The following LUZP2 variants were observed in gnomAD, a reference collection of about 807,000 sequenced individuals.
LUZP2 encodes the protein leucine zipper protein 2.
A neutral mutation model predicts 51.6 loss-of-function variants in LUZP2; 52 were observed. That is an observed-to-expected ratio of 1.01 (90% CI 0.81 to 1.27). LUZP2 has a LOEUF of 1.27. Among genes scored for constraint, LUZP2 ranks in the 50% most tolerant of loss-of-function variants. The probability of loss-of-function intolerance (pLI) is 0.00; values close to 1 mark genes in which losing one functional copy is unlikely to be tolerated. For synonymous variants in LUZP2, 154 were observed against 137.3 expected (o/e 1.12, Z -0.85); for missense variants, 436 against 395.4 (o/e 1.10, Z -0.87).
intron 5 of LUZP2, among the ~76,000 whole-genome samples, chr11:24,796,998 A>G (rs1045239748): frequency 2.6e-5 from 4 of 152,144 alleles, no homozygotes; most frequent in Admixed American, 6.6e-5. Context: ...CAGAACATCT[A>G]TGTTCAAATT....
chr11:24,534,555 T>G (rs1170878951), intron 1 of LUZP2, among the ~76,000 whole-genome samples: 1 of 151,276 alleles, frequency 6.6e-6, no homozygotes, highest in African/African-American at 2.4e-5. Flanking sequence ...CATATTTATA[T>G]ATAGAGAGAG....
chr11:24,990,556 G>C (rs1008022055), intron 9 of LUZP2, among the ~76,000 whole-genome samples: 2 of 151,872 alleles, frequency 1.3e-5, no homozygotes, highest in African/African-American at 2.4e-5. Context: ...CAGAGATGAA[G>C]ACTGGAAAAC....
chr11:25,005,233 T>C (rs539780513), intron 9 of LUZP2, among the ~76,000 whole-genome samples: 1 of 152,016 alleles, frequency 6.6e-6, no homozygotes, highest in Non-Finnish European at 1.5e-5. Flanking sequence ...TTATCATTAA[T>C]AGGAGGGGGA....
chr11:24,814,932 C>T (rs1291568399), intron 5 of LUZP2, among the ~76,000 whole-genome samples: 1 of 147,364 alleles, frequency 6.8e-6, no homozygotes, highest in Admixed American at 7.0e-5. Flanking sequence ...GTGGAGCTTG[C>T]AGTGAGCTGA....
At chr11:24,596,321 C>A (rs1038867441) in intron 1 of LUZP2, among the ~76,000 whole-genome samples, 12 of 152,264 alleles carry the variant, frequency 7.9e-5, no homozygotes, top group African/African-American at 2.9e-4. Flanking sequence ...GTAAAATCAG[C>A]TTTCAAGTTT....
At chr11:24,497,670 C>T (rs865884633) in intron 1 of LUZP2, among the ~76,000 whole-genome samples, 5 of 152,190 alleles carry the variant, frequency 3.3e-5, no homozygotes, top group South Asian at 2.1e-4. Context: ...CAGGCAGTGT[C>T]TTTACATTGG....
intron 5 of LUZP2, among the ~76,000 whole-genome samples, chr11:24,876,866 C>T (rs1403620267): frequency 6.6e-6 from 1 of 152,032 alleles, no homozygotes; most frequent in African/African-American, 2.4e-5. Context: ...ATGAGGGTAT[C>T]ATGGACCAAA....
At chr11:24,765,629 C>CTTTTTTTTTTTTTTTT (rs762443498) in intron 5 of LUZP2, among the ~76,000 whole-genome samples, 1 of 133,046 alleles carries the variant, frequency 7.5e-6, no homozygotes. Context: ...TTTCTTTTTT[C>CTTTTTTTTTTTTTTTT]TTTTTTTTTT....
chr11:24,967,292 A>G (rs1855612500), intron 7 of LUZP2, among the ~76,000 whole-genome samples: 2 of 151,964 alleles, frequency 1.3e-5, no homozygotes, highest in South Asian at 4.1e-4. Context: ...GAGACCAGAC[A>G]TTATAAGAAT....
chr11:24,701,132 T>C (rs1857409840), intron 1 of LUZP2: 3 of 152,748 alleles, frequency 2.0e-5, no homozygotes, highest in African/African-American at 7.2e-5. Flanking sequence ...TTAAATCCTG[T>C]TCCACCTGGT....
chr11:24,802,872 A>G (rs563298328), intron 5 of LUZP2, among the ~76,000 whole-genome samples: 2 of 152,196 alleles, frequency 1.3e-5, no homozygotes, highest in East Asian at 1.9e-4. Context: ...TAATTATCTT[A>G]TATAAAAGGT....
At chr11:24,843,765 T>C (rs1590627626) in intron 5 of LUZP2, among the ~76,000 whole-genome samples, 1 of 152,004 alleles carries the variant, frequency 6.6e-6, no homozygotes, top group African/African-American at 2.4e-5. Flanking sequence ...TGGGGGCGGG[T>C]GTTTCCTGTA....
At chr11:24,956,889 A>G (rs2133871398) in intron 7 of LUZP2, among the ~76,000 whole-genome samples, 1 of 152,242 alleles carries the variant, frequency 6.6e-6, no homozygotes, top group South Asian at 2.1e-4. Flanking sequence ...TATTTGAAGA[A>G]TCTCTAGTTT....
At chr11:24,742,557 C>T (rs1425700487) in intron 4 of LUZP2, among the ~76,000 whole-genome samples, 2 of 151,158 alleles carry the variant, frequency 1.3e-5, no homozygotes, top group Non-Finnish European at 3.0e-5. Context: ...TTCTTTTTAA[C>T]TGATTTGTTT....
At chr11:24,712,864 G>A (rs1020758197) in intron 1 of LUZP2, among the ~76,000 whole-genome samples, 5 of 152,274 alleles carry the variant, frequency 3.3e-5, no homozygotes, top group Non-Finnish European at 5.9e-5. Flanking sequence ...TGTATTAAGG[G>A]CTAGAACTTC....
At chr11:24,511,708 A>G (rs1850316965) in intron 1 of LUZP2, among the ~76,000 whole-genome samples, 2 of 152,348 alleles carry the variant, frequency 1.3e-5, no homozygotes, top group South Asian at 4.1e-4. Context: ...TGTGGTTTAG[A>G]CATATGAAGT....
At chr11:24,623,035 G>A (rs536061958) in intron 1 of LUZP2, among the ~76,000 whole-genome samples, 129 of 152,170 alleles carry the variant, frequency 8.5e-4, no homozygotes, top group Middle Eastern at 6.8e-3. Flanking sequence ...CGATGGTATG[G>A]AGGAAAGAAT....
At chr11:24,957,643 A>G (rs1168698157) in intron 7 of LUZP2, among the ~76,000 whole-genome samples, 3 of 152,176 alleles carry the variant, frequency 2.0e-5, no homozygotes, top group African/African-American at 4.8e-5. Flanking sequence ...ATGCTCTTCA[A>G]TTCCATCCAT....
chr11:24,697,559 G>C (rs1857287060), intron 1 of LUZP2, among the ~76,000 whole-genome samples: 1 of 152,086 alleles, frequency 6.6e-6, no homozygotes, highest in Non-Finnish European at 1.5e-5. Context: ...AAGAAATTTA[G>C]TTTGTAGTTT....
Sources: gnomAD v4.1 joint callset for allele counts (sites outside exome capture counted in the v4.1 genomes callset) on GRCh38, gnomAD v4.1.1 for gene constraint, MANE v1.5 for transcripts, NCBI Gene and HGNC (gene_info 2026-07-23, HGNC 2026-07-21) for gene names.